The following TENM3 variants were observed in gnomAD, a reference collection of about 807,000 sequenced individuals.
The protein encoded by TENM3 is teneurin-3.
TENM3 carries 63 observed loss-of-function variants against 255.1 expected under a neutral mutation model. The observed-to-expected ratio is 0.25, with a 90% CI of 0.20 to 0.30. The LOEUF is 0.30. Among genes scored for constraint, TENM3 ranks in the 10% least tolerant of loss-of-function variants. The pLI, the probability that TENM3 is intolerant of heterozygous loss-of-function variation, is 1.00. For missense variants in TENM3, 2,929 were observed against 3,461.1 expected, an observed-to-expected ratio of 0.85 and a Z score of 3.86; for synonymous variants, 1,306 against 1,322.3, an observed-to-expected ratio of 0.99 and a Z score of 0.27.
At chr4:181,539,211 G>A in the TENM3 span, among the ~76,000 whole-genome samples, 1 of 152,158 alleles carries the variant, frequency 6.6e-6, no homozygotes, top group African/African-American at 2.4e-5. Context: ...AAAAAGGAGG[G>A]AACGTGTTAA....
the TENM3 span, among the ~76,000 whole-genome samples, chr4:181,782,118 G>GTTT: frequency 2.6e-5 from 4 of 152,268 alleles, no homozygotes; most frequent in South Asian, 8.3e-4. Context: ...TTGGTATCAG[G>GTTT]ATGATGCTGG....
intron 3 of TENM3, among the ~76,000 whole-genome samples, chr4:182,587,880 G>A (rs964564279): frequency 2.6e-5 from 4 of 152,084 alleles, no homozygotes; most frequent in East Asian, 1.9e-4. Context: ...AGATAATATG[G>A]ATGAGTTTAT....
At chr4:181,573,535 C>A in the TENM3 span, among the ~76,000 whole-genome samples, 2 of 151,932 alleles carry the variant, frequency 1.3e-5, no homozygotes, top group African/African-American at 4.8e-5. Flanking sequence ...AACTGTAAAT[C>A]CTTGCTAAAA....
chr4:181,963,032 A>T, the TENM3 span, among the ~76,000 whole-genome samples: 1 of 152,158 alleles, frequency 6.6e-6, no homozygotes, highest in Admixed American at 6.5e-5. Flanking sequence ...TTCCAGACAG[A>T]AAAGTTTATT....
chr4:181,909,419 T>C, the TENM3 span, among the ~76,000 whole-genome samples: 1 of 152,178 alleles, frequency 6.6e-6, no homozygotes, highest in Admixed American at 6.5e-5. Context: ...CTGAAATGGC[T>C]GATTAGAGAC....
the TENM3 span, among the ~76,000 whole-genome samples, chr4:181,981,256 T>C: frequency 6.6e-6 from 1 of 152,168 alleles, no homozygotes; most frequent in South Asian, 2.1e-4. Flanking sequence ...ATTTCTTCAT[T>C]AGGTTAACTA....
intron 1 of TENM3, among the ~76,000 whole-genome samples, chr4:182,259,971 TGAGA>T (rs1758676374): frequency 6.6e-6 from 1 of 152,016 alleles, no homozygotes; most frequent in Non-Finnish European, 1.5e-5. Flanking sequence ...CCCCTGCATA[TGAGA>T]GAGAATGTGG....
At chr4:182,518,207 A>G (rs1738200946) in intron 3 of TENM3, among the ~76,000 whole-genome samples, 1 of 152,168 alleles carries the variant, frequency 6.6e-6, no homozygotes. Flanking sequence ...AATCATCAGG[A>G]AACACCAGAC....
chr4:181,769,002 G>C, the TENM3 span, among the ~76,000 whole-genome samples: 2 of 151,854 alleles, frequency 1.3e-5, no homozygotes, highest in Non-Finnish European at 2.9e-5. Context: ...CTTAGTTCTC[G>C]TTTTCAAGAG....
At chr4:181,889,918 T>A in the TENM3 span, among the ~76,000 whole-genome samples, 2,220 of 152,324 alleles carry the variant, frequency 0.015, 62 homozygotes, top group African/African-American at 0.051. Context: ...TCTTAATGAA[T>A]GATACAGAAA....
chr4:182,620,312 C>T (rs1298061238), intron 4 of TENM3, among the ~76,000 whole-genome samples: 3 of 152,114 alleles, frequency 2.0e-5, no homozygotes. Flanking sequence ...TTGTGTTGGA[C>T]CTTGAGAACG....
chr4:181,781,131 TA>T, the TENM3 span, among the ~76,000 whole-genome samples: 2 of 152,216 alleles, frequency 1.3e-5, no homozygotes. Flanking sequence ...ATATGAACTT[TA>T]AAGTAGTTTT....
the TENM3 span, among the ~76,000 whole-genome samples, chr4:181,456,135 G>GTGTGTGTA: frequency 6.9e-6 from 1 of 145,524 alleles, no homozygotes; most frequent in Non-Finnish European, 1.5e-5. Flanking sequence ...ATATGTGTGT[G>GTGTGTGTA]TGTGTGTGTG....
intron 24 of TENM3, among the ~76,000 whole-genome samples, chr4:182,779,833 G>A (rs975953101): frequency 2.0e-5 from 3 of 152,138 alleles, no homozygotes; most frequent in Non-Finnish European, 2.9e-5. Flanking sequence ...TTTTTCATGT[G>A]TTTTTTGGCT....
the TENM3 span, among the ~76,000 whole-genome samples, chr4:181,684,417 AAT>A: frequency 6.6e-6 from 1 of 152,162 alleles, no homozygotes; most frequent in Non-Finnish European, 1.5e-5. Flanking sequence ...TGTGACTTTG[AAT>A]CTAATGTTTT....
chr4:182,668,998 A>C (rs970461977), intron 6 of TENM3, among the ~76,000 whole-genome samples: 2 of 152,210 alleles, frequency 1.3e-5, no homozygotes, highest in African/African-American at 4.8e-5. Context: ...ATTAAATTAC[A>C]TATGCTTCGG....
At chr4:182,235,259 G>A (rs77079968) in intron 1 of TENM3, among the ~76,000 whole-genome samples, 69 of 152,204 alleles carry the variant, frequency 4.5e-4, no homozygotes, top group Middle Eastern at 3.4e-3. Context: ...AAGCATGTGG[G>A]CATCATAGGA....
At chr4:182,268,417 G>A (rs990019473) in intron 1 of TENM3, among the ~76,000 whole-genome samples, 3 of 151,950 alleles carry the variant, frequency 2.0e-5, no homozygotes, top group African/African-American at 4.8e-5. Flanking sequence ...ATGAGTCTTC[G>A]TCCCTCTGCA....
At chr4:181,907,158 A>G in the TENM3 span, among the ~76,000 whole-genome samples, 1 of 152,206 alleles carries the variant, frequency 6.6e-6, no homozygotes, top group Non-Finnish European at 1.5e-5. Context: ...CTGTCAACTC[A>G]CTTTTAATAG....
Sources: gnomAD v4.1 joint callset for allele counts (sites outside exome capture counted in the v4.1 genomes callset) on GRCh38, gnomAD v4.1.1 for gene constraint, MANE v1.5 for transcripts, NCBI Gene and HGNC (gene_info 2026-07-23, HGNC 2026-07-21) for gene names.